The following ROBO2 variants were observed in gnomAD, a reference collection of about 807,000 sequenced individuals.
ROBO2 encodes the protein roundabout homolog 2.
Under a neutral mutation model 160.8 loss-of-function variants are expected in ROBO2, and 53 were observed. The ratio of observed to expected loss-of-function variants is 0.33; its 90% CI spans 0.26 to 0.41. The LOEUF (loss-of-function observed/expected upper bound fraction) is 0.41, where lower values mean the gene tolerates loss of function less well. Ranked by LOEUF, ROBO2 falls within the 10% of genes least tolerant of loss-of-function variation. The pLI, the probability that ROBO2 is intolerant of heterozygous loss-of-function variation, is 1.00. For synonymous variants in ROBO2, 664 were observed against 611.7 expected, an observed-to-expected ratio of 1.09 and a Z score of -1.26; for missense variants, 1,577 against 1,722.4, an observed-to-expected ratio of 0.92 and a Z score of 1.49.
rs1418726002 is a variant in ROBO2 at position 76,555,349 on chromosome 3, GT to G, written c.110-542664del. On this transcript the variant is annotated intron_variant, in intron 2 of 26. Transcript: ENST00000487694. Reference sequence around the variant, plus strand: ...AAGAAGAAGAGGAAGAGGAGGAAGAGTAGGAAGAGAGAAGAAGAAGAAGAAG... The same window carrying G: ...AAGAAGAAGAGGAAGAGGAGGAAGAGAGGAAGAGAGAAGAAGAAGAAGAAG... Among the ~76,000 whole-genome samples the G allele has an allele frequency of 1.9e-3, 90 of 46,442 alleles. 1 individual carries two copies. Among genetic ancestry groups the G allele is most frequent in the African/African-American group, 3.2e-3 (54 of 16,794 alleles). 30.5% of individuals were successfully genotyped at this position (46,442 alleles called of 152,430 possible).
chr3:75,997,400 C>G (rs1248387253), intron 2 of ROBO2, among the ~76,000 whole-genome samples: 1 of 151,970 alleles, frequency 6.6e-6, no homozygotes, highest in African/African-American at 2.4e-5. Flanking sequence ...AAATATATCT[C>G]TGCAAAAGAA....
intron 24 of ROBO2, among the ~76,000 whole-genome samples, chr3:77,639,008 T>C (rs1416910171): frequency 4.6e-5 from 7 of 151,726 alleles, no homozygotes. Context: ...GTATTTTTGG[T>C]AGGTAGGGAC....
intron 2 of ROBO2, among the ~76,000 whole-genome samples, chr3:76,454,103 T>C (rs1203299711): frequency 6.6e-6 from 1 of 152,138 alleles, no homozygotes; most frequent in Non-Finnish European, 1.5e-5. Flanking sequence ...ATCTATTAAT[T>C]ATCTCACCCA....
At chr3:76,226,523 G>A (rs149258546) in intron 2 of ROBO2, among the ~76,000 whole-genome samples, 5,927 of 152,150 alleles carry the variant, frequency 0.039, 339 homozygotes, top group African/African-American at 0.12. Context: ...GTTCTCTAAT[G>A]TTCCTTAAAA....
At chr3:76,630,270 G>A (rs553599136) in intron 2 of ROBO2, among the ~76,000 whole-genome samples, 8 of 147,404 alleles carry the variant, frequency 5.4e-5, no homozygotes, top group East Asian at 1.9e-4. Flanking sequence ...GTGTGTGAGC[G>A]TGCCCTGCAG....
At chr3:76,978,919 T>A (rs2059943290) in intron 2 of ROBO2, among the ~76,000 whole-genome samples, 1 of 149,844 alleles carries the variant, frequency 6.7e-6, no homozygotes, top group South Asian at 2.1e-4. Flanking sequence ...GTTTTAGAGT[T>A]TTTTTTGTTT....
chr3:76,334,591 G>A (rs145331676), intron 2 of ROBO2, among the ~76,000 whole-genome samples: 7 of 152,250 alleles, frequency 4.6e-5, no homozygotes, highest in Admixed American at 3.3e-4. Flanking sequence ...GGAAGCGGGA[G>A]CAAGAGTCAC....
intron 7 of ROBO2, among the ~76,000 whole-genome samples, chr3:77,547,579 C>G (rs750287361): frequency 1.3e-5 from 2 of 152,038 alleles, no homozygotes; most frequent in Non-Finnish European, 2.9e-5. Context: ...TTCTGTGCAG[C>G]CATTATGTCT....
At chr3:77,493,115 A>C (rs1015597515) in intron 4 of ROBO2, 129 bp from the exon 5 acceptor site, 1 of 871,780 alleles carries the variant, frequency 1.1e-6, no homozygotes, top group Admixed American at 1.9e-5. Flanking sequence ...ATTAAAACAC[A>C]GCTGAGGTAC....
intron 17 of ROBO2, among the ~76,000 whole-genome samples, chr3:77,591,857 A>G (rs1307761552): frequency 6.6e-6 from 1 of 152,164 alleles, no homozygotes; most frequent in African/African-American, 2.4e-5. Context: ...AATAGCTTTC[A>G]ATTTGCTCTG....
chr3:77,387,643 A>G (rs1037371097), intron 2 of ROBO2, among the ~76,000 whole-genome samples: 7 of 144,898 alleles, frequency 4.8e-5, no homozygotes, highest in Admixed American at 4.1e-4. Flanking sequence ...CTACCAAAAG[A>G]AAAAAAAAAA....
At chr3:76,963,334 C>G (rs2079808466) in intron 2 of ROBO2, among the ~76,000 whole-genome samples, 1 of 151,892 alleles carries the variant, frequency 6.6e-6, no homozygotes, top group Admixed American at 6.6e-5. Flanking sequence ...TTAAAGAGTT[C>G]TGATAGAAAA....
At chr3:76,151,442 A>C (rs2106848537) in intron 2 of ROBO2, among the ~76,000 whole-genome samples, 1 of 152,246 alleles carries the variant, frequency 6.6e-6, no homozygotes, top group South Asian at 2.1e-4. Flanking sequence ...CCAAAGCTCT[A>C]ATTTTAAGAA....
At chr3:75,908,545 A>T (rs978246062) in intron 1 of ROBO2, among the ~76,000 whole-genome samples, 1 of 152,150 alleles carries the variant, frequency 6.6e-6, no homozygotes, top group Non-Finnish European at 1.5e-5. Context: ...TGGAACATAT[A>T]AAATATATGA....
intron 16 of ROBO2, among the ~76,000 whole-genome samples, chr3:77,587,659 G>A (rs1220107794): frequency 6.6e-6 from 1 of 152,044 alleles, no homozygotes; most frequent in Non-Finnish European, 1.5e-5. Context: ...CTAGTAAGTG[G>A]CAGAGTGGTT....
chr3:76,382,646 T>A (rs73840934), intron 2 of ROBO2, among the ~76,000 whole-genome samples: 3,440 of 152,226 alleles, frequency 0.023, 116 homozygotes, highest in African/African-American at 0.078. Context: ...CTAATAATCT[T>A]CTATGATTGT....
chr3:77,309,534 G>T (rs949645651), intron 2 of ROBO2, among the ~76,000 whole-genome samples: 1 of 152,208 alleles, frequency 6.6e-6, no homozygotes, highest in Non-Finnish European at 1.5e-5. Context: ...GATAATGAAA[G>T]TCTCATAATT....
At chr3:77,325,774 T>G (rs2065315990) in intron 2 of ROBO2, among the ~76,000 whole-genome samples, 1 of 149,934 alleles carries the variant, frequency 6.7e-6, no homozygotes, top group Non-Finnish European at 1.5e-5. Flanking sequence ...CTGGTTGTAC[T>G]CATTAAACTA....
rs536468729 is a variant in ROBO2 at position 77,343,616 on chromosome 3, T to C, written c.389-133798T>C. On this transcript the variant is annotated intron_variant, in intron 2 of 25. Transcript: ENST00000461745. Reference sequence around the variant, plus strand: ...CAACATTGTACCCTTTAGGAACTCCTAGCTGGCAAGAAAGACAGTCTCAGA... The same window carrying C: ...CAACATTGTACCCTTTAGGAACTCCCAGCTGGCAAGAAAGACAGTCTCAGA... Among the ~76,000 whole-genome samples the C allele has an allele frequency of 9.9e-5, 15 of 152,282 alleles. No individual in the cohort carries two copies. The South Asian group carries it at 2.1e-3, about 21-fold the overall frequency.
Sources: gnomAD v4.1 joint callset for allele counts (sites outside exome capture counted in the v4.1 genomes callset) on GRCh38, gnomAD v4.1.1 for gene constraint, MANE v1.5 for transcripts, NCBI Gene and HGNC (gene_info 2026-07-23, HGNC 2026-07-21) for gene names.